The following MYO3A variants were observed in gnomAD, a reference collection of about 807,000 sequenced individuals.
The protein encoded by MYO3A is myosin IIIA.
Under a neutral mutation model 192.7 loss-of-function variants are expected in MYO3A, and 180 were observed. That is an observed-to-expected ratio of 0.93 (90% CI 0.83 to 1.06). The LOEUF (loss-of-function observed/expected upper bound fraction) is 1.06, where lower values mean the gene tolerates loss of function less well. Ranked by LOEUF, MYO3A falls within the 50% of genes least tolerant of loss-of-function variation. The pLI is 0.00. For missense variants in MYO3A, 1,896 were observed against 1,905.0 expected (o/e 1.00, Z 0.09); for synonymous variants, 628 against 645.3 (o/e 0.97, Z 0.41).
chr10:26,102,332 G>T (rs1030881345), intron 17 of MYO3A, among the ~76,000 whole-genome samples: 11 of 151,954 alleles, frequency 7.2e-5, no homozygotes, highest in Admixed American at 3.9e-4. Context: ...CTTCTTTGCA[G>T]TTCAAACATC....
At chr10:26,000,060 T>C (rs1840692658) in intron 6 of MYO3A, among the ~76,000 whole-genome samples, 1 of 152,120 alleles carries the variant, frequency 6.6e-6, no homozygotes, top group South Asian at 2.1e-4. Context: ...GCCAGGGGGA[T>C]CCTTTCAAAA....
At chr10:26,148,879 T>A (rs1020398886) in intron 23 of MYO3A, among the ~76,000 whole-genome samples, 2 of 152,216 alleles carry the variant, frequency 1.3e-5, no homozygotes, top group African/African-American at 4.8e-5. Context: ...TTTTTTTTGT[T>A]AATTCCAAAG....
At chr10:26,136,632 CCTGT>C (rs1377213734) in intron 20 of MYO3A, among the ~76,000 whole-genome samples, 1 of 152,160 alleles carries the variant, frequency 6.6e-6, no homozygotes, top group Non-Finnish European at 1.5e-5. Flanking sequence ...TGTTCTAGAA[CCTGT>C]CTATTTTTTA....
chr10:25,996,574 A>G lies in MYO3A; in HGVS notation c.388A>G (p.Ile130Val). 2 of 1,613,420 alleles carry G rather than the reference A, an allele frequency of 1.2e-6. No individual in the cohort carries two copies. The highest frequency in any genetic ancestry group is 1.1e-5 in the South Asian group (1 of 91,064). The change falls in exon 5 of 35, where the codon ATT becomes GTT. Residue 130 changes from isoleucine to valine, a missense_variant. Transcript: ENST00000642920. ...AATGAGTGAGCCTCTAATTGCCTAT[A>G]TTTTACATGAAGCACTAATGGTAAG... ...ERMSEPLIAY[I>V]LHEALMGLQH... is the part of the protein sequence containing the mutation.
At chr10:26,162,210 G>A (rs1303873094) in intron 26 of MYO3A, among the ~76,000 whole-genome samples, 4 of 152,170 alleles carry the variant, frequency 2.6e-5, no homozygotes, top group Non-Finnish European at 4.4e-5. Context: ...AAAGAAGACC[G>A]GGTATTTTTA....
intron 4 of MYO3A, among the ~76,000 whole-genome samples, chr10:25,971,223 G>C (rs1344948323): frequency 5.9e-5 from 9 of 152,068 alleles, no homozygotes; most frequent in Non-Finnish European, 1.2e-4. Flanking sequence ...TTGAGTTCCT[G>C]CCTGGTGTGA....
intron 20 of MYO3A, among the ~76,000 whole-genome samples, chr10:26,130,966 T>C (rs191206777): frequency 7.2e-5 from 11 of 152,352 alleles, no homozygotes; most frequent in African/African-American, 2.6e-4. Flanking sequence ...TCGAATATAA[T>C]TACAGATTTG....
intron 20 of MYO3A, among the ~76,000 whole-genome samples, chr10:26,140,412 G>T (rs1212590372): frequency 6.6e-6 from 1 of 152,132 alleles, no homozygotes; most frequent in African/African-American, 2.4e-5. Context: ...GGCTGGGCAC[G>T]GTGGCTCACG....
chr10:26,077,233 G>GTTTTTTTTTTTTTTTTTTTTTTT lies in MYO3A; in HGVS notation c.1359+6854_1359+6855insTTTTTTTTTTTTTTTTTTTTTTT, dbSNP rs34464120. ...CTCCTTGGTTAGGTATATTCCTAAG[G>GTTTTTTTTTTTTTTTTTTTTTTT]TTTTTTTTTTTTTTTTTTTTTTGCA... On this transcript the variant is annotated intron_variant, in intron 14 of 34. Transcript: ENST00000642920. Among the ~76,000 whole-genome samples the GTTTTTTTTTTTTTTTTTTTTTTT allele has an allele frequency of 4.7e-4, 17 of 36,294 alleles. 3 individuals are homozygous for GTTTTTTTTTTTTTTTTTTTTTTT. Among genetic ancestry groups the GTTTTTTTTTTTTTTTTTTTTTTT allele is most frequent in the South Asian group, 1.5e-3 (1 of 668 alleles). The allele number at this position is 36,294 out of a possible 152,430, so 23.8% of individuals were successfully genotyped here.
chr10:26,168,356 T>C (rs965942344), intron 27 of MYO3A, among the ~76,000 whole-genome samples: 8 of 152,194 alleles, frequency 5.3e-5, no homozygotes, highest in African/African-American at 1.9e-4. Flanking sequence ...TTGGGAAATA[T>C]AGTTGCCTTT....
At chr10:25,981,995 G>T (rs1839358255) in intron 4 of MYO3A, among the ~76,000 whole-genome samples, 1 of 152,186 alleles carries the variant, frequency 6.6e-6, no homozygotes, top group African/African-American at 2.4e-5. Context: ...TCTGGGGCAA[G>T]CTCTCAGCCC....
intron 15 of MYO3A, among the ~76,000 whole-genome samples, chr10:26,093,794 A>AT (rs961054516): frequency 2.6e-4 from 40 of 152,014 alleles, no homozygotes; most frequent in Non-Finnish European, 4.3e-4. Flanking sequence ...AAACATTTAC[A>AT]TTTTTTTTAA....
At position 26,004,599 on chromosome 10, in the gene MYO3A, A is replaced by G. The variant is rs1841065581; in HGVS notation, c.508+7341A>G. ...AATTCTCAACTAAAAGGAATCAAGGATTCTTGGAGAAAGGCTGATTTTAGG... is the reference window on the plus strand; with the variant it reads ...AATTCTCAACTAAAAGGAATCAAGGGTTCTTGGAGAAAGGCTGATTTTAGG... On this transcript the variant is annotated intron_variant, in intron 6 of 34. Transcript: ENST00000642920. Among the ~76,000 whole-genome samples, 4 of 152,104 alleles carry G rather than the reference A, an allele frequency of 2.6e-5. No homozygotes were observed. The South Asian group carries it at 6.2e-4, about 24-fold the overall frequency.
At chr10:25,994,468 A>G (rs942695934) in intron 4 of MYO3A, among the ~76,000 whole-genome samples, 2 of 152,130 alleles carry the variant, frequency 1.3e-5, no homozygotes, top group African/African-American at 4.8e-5. Flanking sequence ...TCTTTATCCA[A>G]TTTGCCAGTC....
chr10:26,184,348 T>C (rs939035619), intron 31 of MYO3A, among the ~76,000 whole-genome samples: 2 of 152,200 alleles, frequency 1.3e-5, no homozygotes, highest in African/African-American at 4.8e-5. Flanking sequence ...CTCTATTGCT[T>C]GAAGGTCATA....
chr10:26,138,590 T>G (rs1468725714), intron 20 of MYO3A, among the ~76,000 whole-genome samples: 1 of 152,194 alleles, frequency 6.6e-6, no homozygotes, highest in African/African-American at 2.4e-5. Flanking sequence ...GCTTACATTT[T>G]TCTTCAAAAT....
At chr10:26,132,414 T>TC (rs1353105573) in intron 20 of MYO3A, among the ~76,000 whole-genome samples, 21 of 152,182 alleles carry the variant, frequency 1.4e-4, no homozygotes, top group Non-Finnish European at 8.8e-5. Flanking sequence ...TGCTCCCTGC[T>TC]CCCTAGAAGT....
chr10:26,195,179 A>C (rs114141653), intron 32 of MYO3A, among the ~76,000 whole-genome samples: 1 of 152,202 alleles, frequency 6.6e-6, no homozygotes, highest in Non-Finnish European at 1.5e-5. Flanking sequence ...TATAAATAGA[A>C]TCACACAATA....
intron 2 of MYO3A, among the ~76,000 whole-genome samples, chr10:25,940,514 C>T (rs1048644133): frequency 6.6e-6 from 1 of 152,020 alleles, no homozygotes; most frequent in South Asian, 2.1e-4. Flanking sequence ...ATTATTGTAT[C>T]CTACAATTAT....
Sources: gnomAD v4.1 joint callset for allele counts (sites outside exome capture counted in the v4.1 genomes callset) on GRCh38, gnomAD v4.1.1 for gene constraint, MANE v1.5 for transcripts, NCBI Gene and HGNC (gene_info 2026-07-23, HGNC 2026-07-21) for gene names.